The following FRY variants were observed in gnomAD, a reference collection of about 807,000 sequenced individuals.
FRY encodes FRY microtubule binding protein.
In FRY, 128 loss-of-function variants were observed where a neutral mutation model predicts 348.4. The observed-to-expected ratio is 0.37, with a 90% CI of 0.32 to 0.43. FRY has a LOEUF of 0.43. Ranked by LOEUF, FRY falls within the 20% of genes least tolerant of loss-of-function variation. FRY has a pLI of 1.00. For missense variants in FRY, 2,736 were observed against 3,695.2 expected (o/e 0.74, Z 6.73); for synonymous variants, 1,370 against 1,374.7 (o/e 1.00, Z 0.08).
chr13:32,158,172 C>T (rs995347241), intron 16 of FRY, among the ~76,000 whole-genome samples: 2 of 151,860 alleles, frequency 1.3e-5, no homozygotes, highest in South Asian at 2.1e-4. Context: ...AACATGTGCT[C>T]GTGATTAAAG....
intron 3 of FRY, among the ~76,000 whole-genome samples, chr13:32,115,029 T>A (rs187818068): frequency 2.4e-4 from 36 of 152,342 alleles, no homozygotes; most frequent in Middle Eastern, 3.4e-3. Context: ...CAATAGCCTA[T>A]TTATTTTTAC....
intron 35 of FRY, 76 bp from the exon 36 acceptor site, chr13:32,218,673 A>G (rs1354385703): frequency 1.4e-5 from 11 of 782,220 alleles, no homozygotes; most frequent in African/African-American, 4.0e-5. Flanking sequence ...GTGAGACTCC[A>G]ACTCAAAAAA....
intron 10 of FRY, 89 bp downstream of exon 10, chr13:32,135,272 T>A: frequency 1.2e-6 from 1 of 822,536 alleles, no homozygotes. Flanking sequence ...TCCTAAGGAC[T>A]CCACAGATAG....
intron 55 of FRY, among the ~76,000 whole-genome samples, chr13:32,274,190 T>C (rs935290672): frequency 6.6e-6 from 1 of 151,870 alleles, no homozygotes; most frequent in African/African-American, 2.4e-5. Context: ...TAAGGACCCA[T>C]TCTCATGCGA....
chr13:32,243,313 C>T (rs965767297), intron 46 of FRY, among the ~76,000 whole-genome samples: 5 of 152,184 alleles, frequency 3.3e-5, no homozygotes, highest in African/African-American at 1.2e-4. Context: ...ATTTCCCTAG[C>T]GTTCAATACT....
intron 1 of FRY, among the ~76,000 whole-genome samples, chr13:32,076,632 T>C (rs766768267): frequency 2.0e-5 from 3 of 152,198 alleles, no homozygotes; most frequent in Non-Finnish European, 2.9e-5. Flanking sequence ...CTCTGACATA[T>C]TGCATCTCCT....
rs1394414736 is a variant in FRY at position 32,194,269 on chromosome 13, A to G, written c.3718A>G (p.Lys1240Glu). ...GSYQLASGCF[K>E]AIATVCGSRN... ...CTACCAACTTGCATCTGGCTGCTTC[A>G]AAGCCATAGCAACTGTGTGTGGAAG... Residue 1240 changes from lysine to glutamate, a missense_variant, in exon 29 of 61, where the codon AAA becomes GAA. Lys to Glu is a moderately conservative substitution (Grantham distance 56). Coordinates refer to ENST00000542859, the MANE Select transcript of FRY (RefSeq NM_023037.3). 2 of 1,614,192 alleles carry G rather than the reference A, an allele frequency of 1.2e-6. No homozygotes were observed. The highest frequency in any genetic ancestry group is 1.7e-5 in the Admixed American group (1 of 60,034).
At chr13:32,216,335 C>T (rs913865952) in intron 35 of FRY, among the ~76,000 whole-genome samples, 1 of 152,204 alleles carries the variant, frequency 6.6e-6, no homozygotes. Context: ...CAGACATACA[C>T]TTTGCTACAC....
At chr13:32,287,763 GTGGTTCTGCTCT>G (rs1333139716) in intron 58 of FRY, 13 of 380,738 alleles carry the variant, frequency 3.4e-5, no homozygotes, top group Non-Finnish European at 5.9e-5. Flanking sequence ...AATACTGCTG[GTGGTTCTGCTCT>G]TGGAAAAGGG....
chr13:32,064,742 C>G (rs1306895232), intron 1 of FRY, among the ~76,000 whole-genome samples: 4 of 152,216 alleles, frequency 2.6e-5, no homozygotes, highest in Non-Finnish European at 5.9e-5. Flanking sequence ...CTTTAAAAAT[C>G]TTCCAAGCTG....
At chr13:32,180,445 G>T (rs117764638) in intron 23 of FRY, among the ~76,000 whole-genome samples, 18 of 152,156 alleles carry the variant, frequency 1.2e-4, no homozygotes, top group Non-Finnish European at 2.9e-5. Flanking sequence ...ATGTTGACAA[G>T]GCTGTTCTCG....
chr13:32,179,592 T>A, intron 22 of FRY, 83 bp from the exon 23 acceptor site: 1 of 1,430,408 alleles, frequency 7.0e-7, no homozygotes, highest in Non-Finnish European at 9.8e-7. Flanking sequence ...ACTTTGAAAC[T>A]GTTATAATGG....
chr13:32,273,418 T>G (rs1888317135), intron 55 of FRY, among the ~76,000 whole-genome samples: 1 of 151,946 alleles, frequency 6.6e-6, no homozygotes, highest in South Asian at 2.1e-4. Context: ...GAGACGGGGT[T>G]TCACCGTGTT....
intron 48 of FRY, among the ~76,000 whole-genome samples, chr13:32,249,026 C>A (rs1886942278): frequency 6.6e-6 from 1 of 152,230 alleles, no homozygotes; most frequent in African/African-American, 2.4e-5. Flanking sequence ...CTGGAGCTCT[C>A]AGGAAGTGAA....
chr13:32,220,535 G>A (rs2138395770), intron 36 of FRY, among the ~76,000 whole-genome samples: 1 of 152,336 alleles, frequency 6.6e-6, no homozygotes, highest in African/African-American at 2.4e-5. Flanking sequence ...ACTTCTAGAA[G>A]GCACCAGATT....
intron 53 of FRY, among the ~76,000 whole-genome samples, chr13:32,262,731 G>A (rs1887725490): frequency 6.6e-6 from 1 of 152,188 alleles, no homozygotes; most frequent in Admixed American, 6.5e-5. Context: ...GAGACATTTT[G>A]CATGAACACT....
intron 22 of FRY, 38 bp downstream of exon 22, chr13:32,179,071 T>C: frequency 6.7e-7 from 1 of 1,483,342 alleles, no homozygotes; most frequent in Non-Finnish European, 9.4e-7. Flanking sequence ...TTCTGTAAGG[T>C]TTTTTTTTAG....
At chr13:32,046,992 C>T (rs191887137) in intron 1 of FRY, among the ~76,000 whole-genome samples, 1 of 152,218 alleles carries the variant, frequency 6.6e-6, no homozygotes, top group African/African-American at 2.4e-5. Flanking sequence ...TACTTAAATT[C>T]TGATTCCTAA....
intron 48 of FRY, among the ~76,000 whole-genome samples, chr13:32,247,966 G>A (rs978452933): frequency 1.3e-5 from 2 of 152,156 alleles, no homozygotes; most frequent in South Asian, 2.1e-4. Flanking sequence ...TTGCCTTGAA[G>A]CGGGCAGGGG....
Sources: gnomAD v4.1 joint callset for allele counts (sites outside exome capture counted in the v4.1 genomes callset) on GRCh38, gnomAD v4.1.1 for gene constraint, MANE v1.5 for transcripts, NCBI Gene and HGNC (gene_info 2026-07-23, HGNC 2026-07-21) for gene names.